Variants in ATG7 observed in about 807,000 individuals in gnomAD.
ATG7 encodes ubiquitin-like modifier-activating enzyme ATG7.
A neutral mutation model predicts 82.4 loss-of-function variants in ATG7; 70 were observed. That is an observed-to-expected ratio of 0.85 (90% confidence interval 0.70 to 1.04). The LOEUF (loss-of-function observed/expected upper bound fraction) is 1.04. Among genes scored for constraint, ATG7 ranks in the 50% least tolerant of loss-of-function variants. The pLI, the probability that ATG7 is intolerant of heterozygous loss-of-function variation, is 0.00. For missense variants in ATG7, 792 were observed against 864.3 expected, an observed-to-expected ratio of 0.92 and a Z score of 1.05; for synonymous variants, 287 against 313.0, an observed-to-expected ratio of 0.92 and a Z score of 0.88.
chr3:11,474,528 A>G (rs962408868), intron 20 of ATG7, among the ~76,000 whole-genome samples: 3 of 152,178 alleles, frequency 2.0e-5, no homozygotes, highest in African/African-American at 4.8e-5. Flanking sequence ...TGAGCACAGG[A>G]CTTGGAGGTT....
intron 13 of ATG7, among the ~76,000 whole-genome samples, chr3:11,346,202 C>T (rs1954518852): frequency 6.6e-6 from 1 of 152,120 alleles, no homozygotes; most frequent in Non-Finnish European, 1.5e-5. Context: ...GTAGAATATG[C>T]CTTCTGATAG....
chr3:11,351,773 A>C (rs1351884346), intron 14 of ATG7, among the ~76,000 whole-genome samples: 2 of 152,220 alleles, frequency 1.3e-5, no homozygotes, highest in Non-Finnish European at 2.9e-5. Context: ...GTTCATGAAA[A>C]ATACTTGCGA....
intron 20 of ATG7, among the ~76,000 whole-genome samples, chr3:11,523,132 T>C (rs2092484535): frequency 6.6e-6 from 1 of 152,224 alleles, no homozygotes; most frequent in Non-Finnish European, 1.5e-5. Context: ...CCAATCCAAG[T>C]CATCCCTGAG....
chr3:11,436,130 A>T (rs2083348345), intron 20 of ATG7, among the ~76,000 whole-genome samples: 1 of 152,330 alleles, frequency 6.6e-6, no homozygotes, highest in South Asian at 2.1e-4. Context: ...ATATAAAGAT[A>T]CAGAACTCAA....
At chr3:11,336,282 C>T (rs572208594) in intron 11 of ATG7, among the ~76,000 whole-genome samples, 1 of 152,114 alleles carries the variant, frequency 6.6e-6, no homozygotes, top group South Asian at 2.1e-4. Context: ...AATCTGCCTG[C>T]CTCAGCCTCC....
chr3:11,335,239 C>T (rs888258110), intron 11 of ATG7, among the ~76,000 whole-genome samples: 1 of 152,064 alleles, frequency 6.6e-6, no homozygotes, highest in African/African-American at 2.4e-5. Context: ...GTAATGTTAA[C>T]TTACATGCTA....
In ATG7 at chr3:11,484,431, G is replaced by A. The variant is rs141975412; in HGVS notation, c.2079+57505G>A. 4.9e-3 allele frequency among the ~76,000 whole-genome samples: 752 copies of A among 152,120 alleles called. 6 individuals are homozygous for A. Among genetic ancestry groups the A allele is most frequent in the African/African-American group, 0.017 (720 of 41,498 alleles). On this transcript the variant is annotated intron_variant, in intron 20 of 20. Transcript: ENST00000693202. The stretch of plus-strand genomic sequence containing the variant: ...AAACAAACAAAAAAACCACAAAAAC[G>A]ACAAACCCAAAAGGGTTAAGTCTTC...
At chr3:11,443,653 TTGGGATTACAGGCCTGAG>T (rs1326409489) in intron 20 of ATG7, among the ~76,000 whole-genome samples, 3 of 152,098 alleles carry the variant, frequency 2.0e-5, no homozygotes, top group Admixed American at 6.5e-5. Context: ...TCCCAAAGTG[TTGGGATTACAGGCCTGAG>T]TGGGATTACA....
chr3:11,564,699 T>TCACCACCTCCCACCCA, the ATG7 span: 1 of 1,312,706 alleles, frequency 7.6e-7, no homozygotes, highest in Non-Finnish European at 1.0e-6. Flanking sequence ...CCTCCCTCCC[T>TCACCACCTCCCACCCA]CACCACCGCC....
intron 20 of ATG7, among the ~76,000 whole-genome samples, chr3:11,478,153 A>G (rs1246934893): frequency 2.6e-5 from 4 of 152,202 alleles, no homozygotes; most frequent in African/African-American, 9.7e-5. Context: ...CATTATTAGT[A>G]TGACCCCATC....
chr3:11,350,777 G>A (rs949308704), intron 14 of ATG7, among the ~76,000 whole-genome samples: 3 of 151,896 alleles, frequency 2.0e-5, no homozygotes, highest in Non-Finnish European at 4.4e-5. Context: ...GGGAGGAGGT[G>A]CCTAATTGGG....
At chr3:11,275,320 G>A (rs944346215) in intron 1 of ATG7, among the ~76,000 whole-genome samples, 14 of 150,874 alleles carry the variant, frequency 9.3e-5, no homozygotes, top group African/African-American at 2.7e-4. Flanking sequence ...TGGAAATGAC[G>A]TTCGCTAATG....
intron 19 of ATG7, among the ~76,000 whole-genome samples, chr3:11,396,861 G>A (rs1221155206): frequency 6.6e-6 from 1 of 152,028 alleles, no homozygotes; most frequent in African/African-American, 2.4e-5. Context: ...CTGTTCTAAG[G>A]TTCTTGCATT....
In ATG7 at chr3:11,342,212, T is replaced by C. The variant is rs530614370; in HGVS notation, c.1058T>C (p.Val353Ala). The change falls in exon 13 of 21, where the codon GTT becomes GCT. Residue 353 changes from valine (V) to alanine (A), a missense_variant. Val to Ala is a moderately conservative substitution (Grantham distance 64). Transcript: ENST00000693202. Reference sequence around the variant, plus strand: ...GTTCCTACTTTAGACTTGGACAAGGTTGTGTCTGTCAAATGTCTGCTGCTT... The same window carrying C: ...GTTCCTACTTTAGACTTGGACAAGGCTGTGTCTGTCAAATGTCTGCTGCTT... ...RLVPTLDLDK[V>A]VSVKCLLLGA... The C allele has an allele frequency of 3.7e-6, 6 of 1,613,418 alleles. No homozygotes were observed. The highest frequency in any genetic ancestry group is 5.1e-6 in the Non-Finnish European group (6 of 1,179,942).
chr3:11,492,955 G>A (rs78085574), intron 20 of ATG7, among the ~76,000 whole-genome samples: 4,841 of 152,362 alleles, frequency 0.032, 116 homozygotes, highest in Non-Finnish European at 0.05. Context: ...GGACAGCAGC[G>A]TGTTATCAGC....
At chr3:11,445,055 GA>G (rs565837419) in intron 20 of ATG7, among the ~76,000 whole-genome samples, 288 of 152,288 alleles carry the variant, frequency 1.9e-3, no homozygotes, top group African/African-American at 6.7e-3. Context: ...TCAAACAATA[GA>G]TGCTGGCGAG....
chr3:11,512,772 C>G (rs2092121061), intron 20 of ATG7, among the ~76,000 whole-genome samples: 1 of 152,180 alleles, frequency 6.6e-6, no homozygotes, highest in African/African-American at 2.4e-5. Context: ...TGGAAGGGGA[C>G]CTGAGCGGGT....
Position 11,312,416 on chromosome 3 carries a change from C to T in ATG7, c.412-888C>T, listed in dbSNP as rs376495318. ...GCGTGAGTGGGAACAGTGTCAAAGACAGCCTCACAAATCCTTTCCCCTGGA... is the reference window on the plus strand; with the variant it reads ...GCGTGAGTGGGAACAGTGTCAAAGATAGCCTCACAAATCCTTTCCCCTGGA... On this transcript the variant is annotated intron_variant, in intron 7 of 20. Coordinates refer to ENST00000693202, the MANE Select transcript of ATG7 (RefSeq NM_001349232.2). Among the ~76,000 whole-genome samples the T allele has an allele frequency of 6.7e-4, 102 of 152,324 alleles. 1 individual carries two copies. Among genetic ancestry groups the T allele is most frequent in the African/African-American group, 2.0e-3 (85 of 41,566 alleles).
At chr3:11,288,116 C>G (rs1944388560) in intron 3 of ATG7, among the ~76,000 whole-genome samples, 2 of 152,252 alleles carry the variant, frequency 1.3e-5, no homozygotes, top group African/African-American at 2.4e-5. Context: ...CTTGCCAGAC[C>G]CTGGTCTTGT....
Sources: allele counts gnomAD v4.1 joint callset (sites outside exome capture counted in the v4.1 genomes callset), GRCh38; gene constraint gnomAD v4.1.1; transcripts MANE v1.5; gene names NCBI Gene and HGNC (gene_info 2026-07-23, HGNC 2026-07-21).